Variants in SLC22A23 observed in about 807,000 individuals in gnomAD.
The protein encoded by SLC22A23 is ion transporter protein.
In SLC22A23, 26 loss-of-function variants were observed where a neutral mutation model predicts 61.0. That is an observed-to-expected ratio of 0.43 (90% CI 0.31 to 0.59). The LOEUF is 0.59. SLC22A23 is among the 20% of genes least tolerant of loss of function. The pLI is 0.11. For synonymous variants in SLC22A23, 430 were observed against 413.9 expected (o/e 1.04, Z -0.47); for missense variants, 796 against 934.7 (o/e 0.85, Z 1.94).
rs1373958096 is a variant in SLC22A23 at position 3,298,235 on chromosome 6, G to A, written c.1083-17C>T. On this transcript the variant is annotated splice_polypyrimidine_tract_variant and intron_variant, in intron 4 of 9. Coordinates refer to ENST00000406686, the MANE Select transcript of SLC22A23 (RefSeq NM_015482.2). ...GGGAATATCCTTTAAAGACACAAAG[G>A]GGATCAGTGAATGTCTTCCGATTCT... 3.2e-6 allele frequency: 5 copies of A among 1,586,768 alleles called. No homozygotes were observed. The highest frequency in any genetic ancestry group is 2.7e-5 in the African/African-American group (2 of 73,270).
In SLC22A23 at chr6:3,427,560, G is replaced by A. The variant is rs2127536524; in HGVS notation, c.655-11705C>T. Among the ~76,000 whole-genome samples the A allele has an allele frequency of 6.6e-6, 1 of 152,242 alleles. No individual in the cohort carries two copies. The highest frequency in any genetic ancestry group is 2.4e-5 in the African/African-American group (1 of 41,544). On this transcript the variant is annotated intron_variant, in intron 1 of 9. Coordinates refer to ENST00000406686, the MANE Select transcript of SLC22A23 (RefSeq NM_015482.2). This position sits in a 1 kb window ranked among gnomAD's most constrained non-coding sequence, Gnocchi z 4.3. Reference sequence around the variant, plus strand: ...ATAGCTGGGAGATGCTGAAGGAGGAGCAGGTCCAGGTCTACCCGGGGCTCT... The same window carrying A: ...ATAGCTGGGAGATGCTGAAGGAGGAACAGGTCCAGGTCTACCCGGGGCTCT...
intron 3 of SLC22A23, among the ~76,000 whole-genome samples, chr6:3,355,432 G>A (rs1765013184): frequency 6.6e-6 from 1 of 151,788 alleles, no homozygotes. Context: ...CCCTCCCTGG[G>A]TCGAGAAAAA....
intron 9 of SLC22A23, among the ~76,000 whole-genome samples, chr6:3,274,353 C>T (rs1207404270): frequency 1.3e-5 from 2 of 152,162 alleles, no homozygotes; most frequent in African/African-American, 2.4e-5. Context: ...TCTGGGGCCT[C>T]ATTGAAGGAG....
chr6:3,453,786 T>C (rs1336402654), intron 1 of SLC22A23, among the ~76,000 whole-genome samples: 1 of 152,234 alleles, frequency 6.6e-6, no homozygotes, highest in African/African-American at 2.4e-5. Flanking sequence ...CCTGAGCTTT[T>C]ATCCACTGAA....
intron 2 of SLC22A23, among the ~76,000 whole-genome samples, chr6:3,413,829 T>C (rs1769455645): frequency 6.6e-6 from 1 of 151,996 alleles, no homozygotes; most frequent in Non-Finnish European, 1.5e-5. Flanking sequence ...AGTTGGAAAA[T>C]ACCAAGCTTT....
Position 3,386,391 on chromosome 6 carries a change from C to G in SLC22A23, c.913+23797G>C, listed in dbSNP as rs938771340. On this transcript the variant is annotated intron_variant, in intron 3 of 9. Coordinates refer to ENST00000406686, the MANE Select transcript of SLC22A23 (RefSeq NM_015482.2). This position sits in a 1 kb window ranked among gnomAD's most constrained non-coding sequence, Gnocchi z 4.4. The stretch of plus-strand genomic sequence containing the variant: ...GCACGCTTGCTCTGTGTACGCCACA[C>G]GCACAACCAGCCCTGGGGTCCCTGG... Among the ~76,000 whole-genome samples the G allele has an allele frequency of 1.3e-5, 2 of 152,200 alleles. No homozygotes were observed. Among genetic ancestry groups the G allele is most frequent in the Admixed American group, 1.3e-4 (2 of 15,290 alleles).
At chr6:3,437,941 C>T (rs1323296486) in intron 1 of SLC22A23, among the ~76,000 whole-genome samples, 1 of 151,858 alleles carries the variant, frequency 6.6e-6, no homozygotes, top group Admixed American at 6.6e-5. Context: ...TTGATGACTC[C>T]AGAAAATAGA....
In SLC22A23 at chr6:3,297,403, T is replaced by C. The variant is rs376880306; in HGVS notation, c.1210+688A>G. The stretch of plus-strand genomic sequence containing the variant: ...AGTGATCTTCAAACGGAAATCTGTA[T>C]ACCACTTGCATCAGAATCTCTTCTA... On this transcript the variant is annotated intron_variant, in intron 5 of 9. Transcript: ENST00000406686. The surrounding 1 kb of genome is among the most constrained non-coding windows in gnomAD (Gnocchi z 4.3). Among the ~76,000 whole-genome samples the C allele has an allele frequency of 5.3e-5, 8 of 152,188 alleles. No individual in the cohort carries two copies. Among genetic ancestry groups the C allele is most frequent in the African/African-American group, 1.9e-4 (8 of 41,428 alleles).
At position 3,271,652 on chromosome 6, in the gene SLC22A23, A is replaced by C. The variant is rs1176317733; in HGVS notation, c.*1403T>G. On this transcript the variant is annotated 3_prime_UTR_variant, in exon 10 of 10. Coordinates refer to ENST00000406686, the MANE Select transcript of SLC22A23 (RefSeq NM_015482.2). Reference sequence around the variant, plus strand: ...GCCAGTAAGAAGCCAGGCTGTCCAGAAAAGCTGGTGCCCAAGTTGCTACAA... The same window carrying C: ...GCCAGTAAGAAGCCAGGCTGTCCAGCAAAGCTGGTGCCCAAGTTGCTACAA... 1 of 152,330 alleles carries C rather than the reference A, an allele frequency of 6.6e-6. No individual in the cohort carries two copies. The highest frequency in any genetic ancestry group is 2.4e-5 in the African/African-American group (1 of 41,442). The allele number at this position is 152,330 out of a possible 1,614,324, so 9.4% of individuals were successfully genotyped here.
Position 3,304,093 on chromosome 6 carries a change from C to T in SLC22A23, c.1083-5875G>A, listed in dbSNP as rs1039818231. On this transcript the variant is annotated intron_variant, in intron 4 of 9. Coordinates refer to ENST00000406686, the MANE Select transcript of SLC22A23 (RefSeq NM_015482.2). The surrounding 1 kb of genome is among the most constrained non-coding windows in gnomAD (Gnocchi z 4.3). The stretch of plus-strand genomic sequence containing the variant: ...GAGAGGATTCAATTCTGCTGTTCCC[C>T]TTTCTTATCTGGGCCCACGGAGCCC... 6.6e-6 allele frequency among the ~76,000 whole-genome samples: 1 copy of T among 152,236 alleles called. No homozygotes were observed. Among genetic ancestry groups the T allele is most frequent in the African/African-American group, 2.4e-5 (1 of 41,464 alleles).
chr6:3,422,897 A>T (rs1025138649), intron 1 of SLC22A23, among the ~76,000 whole-genome samples: 18 of 152,202 alleles, frequency 1.2e-4, no homozygotes, highest in Admixed American at 1.3e-4. Flanking sequence ...CAACTCTAGC[A>T]GACCTGCATT....
chr6:3,346,221 C>T (rs769025608), intron 3 of SLC22A23, among the ~76,000 whole-genome samples: 5 of 152,164 alleles, frequency 3.3e-5, no homozygotes, highest in Admixed American at 1.3e-4. Flanking sequence ...CACCTCTGCT[C>T]GGGTCCCAGC....
At chr6:3,303,196 C>T (rs1260080079) in intron 4 of SLC22A23, 1 of 152,122 alleles carries the variant, frequency 6.6e-6, no homozygotes, top group African/African-American at 2.4e-5. Flanking sequence ...ATCAAAAAGA[C>T]ACACACACAA....
chr6:3,344,661 T>C (rs1403265354), intron 3 of SLC22A23, among the ~76,000 whole-genome samples: 4 of 152,248 alleles, frequency 2.6e-5, no homozygotes, highest in Non-Finnish European at 4.4e-5. Flanking sequence ...ATCCTTTTTC[T>C]GGAGGTAGAA....
intron 3 of SLC22A23, among the ~76,000 whole-genome samples, chr6:3,374,917 G>A (rs1231679911): frequency 6.6e-6 from 1 of 152,178 alleles, no homozygotes; most frequent in East Asian, 1.9e-4. Flanking sequence ...GAATTTGGGT[G>A]GTGGCTGTGG....
chr6:3,347,685 T>C (rs951656505), intron 3 of SLC22A23, among the ~76,000 whole-genome samples: 11 of 152,170 alleles, frequency 7.2e-5, no homozygotes, highest in South Asian at 2.1e-4. Flanking sequence ...TTTTCTGATC[T>C]ATACTTTTTA....
chr6:3,286,303 A>G lies in SLC22A23; in HGVS notation c.1546+556T>C, dbSNP rs1759999347. Among the ~76,000 whole-genome samples, 1 of 152,094 alleles carries G rather than the reference A, an allele frequency of 6.6e-6. No individual in the cohort carries two copies. The highest frequency in any genetic ancestry group is 1.5e-5 in the Non-Finnish European group (1 of 68,024). ...TATTTAGTAGAGATGGGGTTTCACT[A>G]CATTGGTCAGGCTGGTTTGAACTCC... On this transcript the variant is annotated intron_variant, in intron 7 of 9. Transcript: ENST00000406686. This position sits in a 1 kb window ranked among gnomAD's most constrained non-coding sequence, Gnocchi z 4.2.
intron 3 of SLC22A23, among the ~76,000 whole-genome samples, chr6:3,375,224 G>T (rs967747358): frequency 6.6e-6 from 1 of 152,156 alleles, no homozygotes; most frequent in Non-Finnish European, 1.5e-5. Flanking sequence ...TGAACCAGTT[G>T]ATAGTTGGTT....
At chr6:3,347,212 G>A (rs58553495) in intron 3 of SLC22A23, among the ~76,000 whole-genome samples, 5,124 of 152,214 alleles carry the variant, frequency 0.034, 311 homozygotes, top group African/African-American at 0.12. Context: ...GCATCACTGC[G>A]GGACATTCAG....
Sources: allele counts gnomAD v4.1 joint callset (sites outside exome capture counted in the v4.1 genomes callset), GRCh38; gene constraint gnomAD v4.1.1; non-coding constraint Gnocchi (gnomAD v3.1); transcripts MANE v1.5; gene names NCBI Gene and HGNC (gene_info 2026-07-23, HGNC 2026-07-21).